The following ICE1 variants were observed in gnomAD, a reference collection of about 807,000 sequenced individuals.
The protein encoded by ICE1 is interactor of little elongation complex ELL subunit 1.
ICE1 carries 64 observed loss-of-function variants against 192.7 expected under a neutral mutation model. The ratio of observed to expected loss-of-function variants is 0.33; its 90% CI spans 0.27 to 0.41. The LOEUF (loss-of-function observed/expected upper bound fraction) is 0.41. Ranked by LOEUF, ICE1 falls within the 10% of genes least tolerant of loss-of-function variation. The pLI is 1.00. For synonymous variants in ICE1, 1,010 were observed against 984.5 expected, an observed-to-expected ratio of 1.03 and a Z score of -0.49; for missense variants, 2,708 against 2,696.0, an observed-to-expected ratio of 1.00 and a Z score of -0.10.
chr5:5,454,729 G>C, intron 11 of ICE1, 91 bp downstream of exon 11: 1 of 804,552 alleles, frequency 1.2e-6, no homozygotes, highest in South Asian at 1.7e-5. Flanking sequence ...AATAGCTCCT[G>C]ATTCTAACAT....
intron 17 of ICE1, among the ~76,000 whole-genome samples, chr5:5,479,648 T>C (rs1330815732): frequency 6.6e-6 from 1 of 152,206 alleles, no homozygotes; most frequent in East Asian, 1.9e-4. Flanking sequence ...TGCACACATA[T>C]GTTTATTGCA....
rs762441151 is a variant in ICE1 at position 5,460,710 on chromosome 5, T to C, written c.1376T>C (p.Val459Ala). 2 of 1,613,962 alleles carry C rather than the reference T, an allele frequency of 1.2e-6. No individual in the cohort carries two copies. Among genetic ancestry groups the C allele is most frequent in the South Asian group, 1.1e-5 (1 of 91,086 alleles). ...GAATCTTCTGCCACACACTCCTTAG[T>C]TGGTGAAAAACACTGGACCACAGCA... is the stretch of plus-strand genomic sequence containing the variant. ...LRESSATHSL[V>A]GEKHWTTASR... is the part of the protein sequence containing the mutation. Residue 459 changes from valine to alanine, a missense_variant, in exon 13 of 19, where the codon GTT (valine) becomes GCT (alanine). By Grantham distance (64) the Val-to-Ala change is moderately conservative. Coordinates refer to ENST00000296564, the MANE Select transcript of ICE1 (RefSeq NM_015325.3).
At chr5:5,474,359 G>A (rs1380009497) in intron 16 of ICE1, among the ~76,000 whole-genome samples, 2 of 152,178 alleles carry the variant, frequency 1.3e-5, no homozygotes, top group Non-Finnish European at 2.9e-5. Context: ...GCGGAGGGTG[G>A]CCTTGGTTGG....
chr5:5,447,837 T>C lies in ICE1; in HGVS notation c.548-4T>C, dbSNP rs1324511088. The C allele has an allele frequency of 1.3e-6, 2 of 1,577,892 alleles. No individual in the cohort carries two copies. Among genetic ancestry groups the C allele is most frequent in the East Asian group, 4.6e-5 (2 of 43,694 alleles). On this transcript the variant is annotated splice_region_variant and splice_polypyrimidine_tract_variant and intron_variant, in intron 9 of 18. Coordinates refer to ENST00000296564, the MANE Select transcript of ICE1 (RefSeq NM_015325.3). ...TATTAACCGTTTTTTCCCCATGCTTTTAGAGTTGAGACATATTGGAACACA... is the reference window on the plus strand; with the variant it reads ...TATTAACCGTTTTTTCCCCATGCTTCTAGAGTTGAGACATATTGGAACACA...
chr5:5,469,621 A>G (rs1290223446), intron 15 of ICE1, among the ~76,000 whole-genome samples: 2 of 152,166 alleles, frequency 1.3e-5, no homozygotes, highest in Non-Finnish European at 2.9e-5. Flanking sequence ...TTTAATGAGC[A>G]TGTATTTCCT....
chr5:5,463,628 G>C lies in ICE1; in HGVS notation c.4294G>C (p.Val1432Leu). The change falls in exon 13 of 19, where the codon GTC (valine) becomes CTC (leucine). Residue 1432 changes from valine to leucine, a missense_variant. Coordinates refer to ENST00000296564, the MANE Select transcript of ICE1 (RefSeq NM_015325.3). ...CTGGACAATCATCAGTGGTGTAGCT[G>C]TCTTGCCACATGTGGACCAGGTCAC... The part of the protein sequence containing the change: ...DNWTIISGVA[V>L]LPHVDQVTLC... The C allele has an allele frequency of 6.2e-7, 1 of 1,614,020 alleles. No individual in the cohort carries two copies.
chr5:5,435,531 AT>A (rs1737843122), intron 1 of ICE1, among the ~76,000 whole-genome samples: 1 of 152,210 alleles, frequency 6.6e-6, no homozygotes, highest in Non-Finnish European at 1.5e-5. Flanking sequence ...AAAAGGAGAC[AT>A]TAAAGGAAAG....
rs1435960751 is a variant in ICE1 at position 5,463,837 on chromosome 5, G to C, written c.4503G>C (p.Gln1501His). 3 of 1,613,838 alleles carry C rather than the reference G, an allele frequency of 1.9e-6. No homozygotes were observed. Among genetic ancestry groups the C allele is most frequent in the Non-Finnish European group, 2.5e-6 (3 of 1,179,882 alleles). The change falls in exon 13 of 19, where the codon CAG (glutamine) becomes CAC (histidine). Residue 1501 changes from glutamine to histidine, a missense_variant. This residue lies in a region of ICE1 where 2,366 missense variants were observed against 2,276.6 expected (regional missense o/e 1.04). Transcript: ENST00000296564. Reference sequence around the variant, plus strand: ...AAGAGGATGTTTCAAGCAGTGGTCAGAGCACCAACTTTGATAAGAGTCGTT... The same window carrying C: ...AAGAGGATGTTTCAAGCAGTGGTCACAGCACCAACTTTGATAAGAGTCGTT... ...CPQEDVSSSG[Q>H]STNFDKSRLR...
chr5:5,427,354 G>A (rs754688445), intron 1 of ICE1, among the ~76,000 whole-genome samples: 1 of 152,188 alleles, frequency 6.6e-6, no homozygotes, highest in Non-Finnish European at 1.5e-5. Context: ...ATTATGTATG[G>A]TTAAGTAAAG....
Position 5,462,583 on chromosome 5 carries a change from G to T in ICE1, c.3249G>T (p.Gln1083His). 1 of 1,613,956 alleles carries T rather than the reference G, an allele frequency of 6.2e-7. No individual in the cohort carries two copies. The highest frequency in any genetic ancestry group is 8.5e-7 in the Non-Finnish European group (1 of 1,179,878). ...SAFCRKHGETQDTSQSSLPGT... is the reference protein window; with the variant it reads ...SAFCRKHGETHDTSQSSLPGT... ...TTTGCAGAAAACATGGAGAGACACA[G>T]GATACCTCCCAAAGTAGCCTGCCTG... The change falls in exon 13 of 19, where the codon CAG becomes CAT. Residue 1083 changes from glutamine to histidine, a missense_variant. Around this residue, in one of 2 missense-constraint regions of ICE1, gnomAD observed 2,366 missense variants for 2,276.6 expected, o/e 1.04. Coordinates refer to ENST00000296564, the MANE Select transcript of ICE1 (RefSeq NM_015325.3).
At chr5:5,436,878 C>T (rs1737885286) in intron 2 of ICE1, among the ~76,000 whole-genome samples, 1 of 152,114 alleles carries the variant, frequency 6.6e-6, no homozygotes, top group Non-Finnish European at 1.5e-5. Flanking sequence ...CTACTCAGAT[C>T]TAAAGGTTTC....
intron 15 of ICE1, among the ~76,000 whole-genome samples, chr5:5,469,514 C>G (rs1238572517): frequency 6.6e-6 from 1 of 152,064 alleles, no homozygotes; most frequent in African/African-American, 2.4e-5. Flanking sequence ...TTCTTTCATT[C>G]ATTCATTTTA....
intron 3 of ICE1, among the ~76,000 whole-genome samples, chr5:5,439,130 C>G (rs1431378207): frequency 6.6e-6 from 1 of 152,050 alleles, no homozygotes; most frequent in Non-Finnish European, 1.5e-5. Context: ...TTATTATCAC[C>G]TCTTTCTAAA....
Position 5,462,081 on chromosome 5 carries a change from C to T in ICE1, c.2747C>T (p.Thr916Met), listed in dbSNP as rs377195954. The T allele has an allele frequency of 3.4e-5, 55 of 1,613,776 alleles. No homozygotes were observed. Among genetic ancestry groups the T allele is most frequent in the South Asian group, 2.9e-4 (26 of 91,086 alleles). The change falls in exon 13 of 19, where the codon ACG (threonine) becomes ATG (methionine). Residue 916 changes from threonine to methionine, a missense_variant. By Grantham distance (81) the Thr-to-Met change is moderately conservative (BLOSUM62 -1). Transcript: ENST00000296564. ...AGAGATGATACAACACAAAACATCACGGAGGTGGCTGCTGTGAAAAGCATT... is the reference window on the plus strand; with the variant it reads ...AGAGATGATACAACACAAAACATCATGGAGGTGGCTGCTGTGAAAAGCATT... ...GERDDTTQNITEVAAVKSISP... is the reference protein window; with the variant it reads ...GERDDTTQNIMEVAAVKSISP...
rs1212841413 is a variant in ICE1 at position 5,441,157 on chromosome 5, A to C, written c.243A>C (p.Lys81Asn). 1.9e-6 allele frequency: 3 copies of C among 1,565,110 alleles called. No individual in the cohort carries two copies. Among genetic ancestry groups the C allele is most frequent in the South Asian group, 2.4e-5 (2 of 84,802 alleles). ...ACCAAGTGGAAGAGATGCTTCAAAA[A>C]ATTTCTCCTCTACAGAAATGTCAGG... is the stretch of plus-strand genomic sequence containing the variant. ...LHHQVEEMLQKISPLQKCQEE... is the reference protein window; with the variant it reads ...LHHQVEEMLQNISPLQKCQEE... The change falls in exon 5 of 19, where the codon AAA (lysine) becomes AAC (asparagine). Residue 81 changes from lysine to asparagine, a missense_variant. By Grantham distance (94) the Lys-to-Asn change is moderately conservative. Coordinates refer to ENST00000296564, the MANE Select transcript of ICE1 (RefSeq NM_015325.3).
At position 5,460,532 on chromosome 5, in the gene ICE1, T is replaced by C. The variant is rs1011740259; in HGVS notation, c.1198T>C (p.Ser400Pro). 6.2e-7 allele frequency: 1 copy of C among 1,612,036 alleles called. No homozygotes were observed. The highest frequency in any genetic ancestry group is 8.5e-7 in the Non-Finnish European group (1 of 1,178,876). The change falls in exon 13 of 19, where the codon TCA (serine) becomes CCA (proline). Residue 400 changes from serine to proline, a missense_variant. Around this residue, in one of 2 missense-constraint regions of ICE1, gnomAD observed 2,366 missense variants for 2,276.6 expected, o/e 1.04. Transcript: ENST00000296564. Reference protein sequence around the residue: ...ECVSEDDTTESQNYFGSLRKN... With the variant: ...ECVSEDDTTEPQNYFGSLRKN... ...TGTTTCAGAAGATGATACAACTGAA[T>C]CACAGAATTATTTTGGCTCATTGAG...
chr5:5,455,035 TG>T (rs1170800571), intron 11 of ICE1, among the ~76,000 whole-genome samples: 3 of 152,200 alleles, frequency 2.0e-5, no homozygotes, highest in Non-Finnish European at 4.4e-5. Flanking sequence ...CAGAGTATCA[TG>T]GGGGCATTCT....
At chr5:5,452,293 G>A (rs990414992) in intron 10 of ICE1, among the ~76,000 whole-genome samples, 5 of 150,378 alleles carry the variant, frequency 3.3e-5, no homozygotes, top group African/African-American at 9.8e-5. Flanking sequence ...TACTACTAAT[G>A]TAGAGAATTT....
In ICE1 at chr5:5,461,829, C is replaced by T; in HGVS notation, c.2495C>T (p.Thr832Ile). 2.5e-6 allele frequency: 4 copies of T among 1,613,998 alleles called. No individual in the cohort carries two copies. The highest frequency in any genetic ancestry group is 2.2e-5 in the East Asian group (1 of 44,886). ...AMPFLQNRGP[T>I]PKPDLLRENN... ...CCATTCCTACAAAATAGAGGACCAA[C>T]ACCCAAGCCTGATCTTCTTAGAGAA... The change falls in exon 13 of 19, where the codon ACA (threonine) becomes ATA (isoleucine). Residue 832 changes from threonine to isoleucine, a missense_variant. By Grantham distance (89) the Thr-to-Ile change is moderately conservative. Coordinates refer to ENST00000296564, the MANE Select transcript of ICE1 (RefSeq NM_015325.3).
Sources: gnomAD v4.1 joint callset for allele counts (sites outside exome capture counted in the v4.1 genomes callset) on GRCh38, gnomAD v4.1.1 for gene constraint, gnomAD v4.1.1 regional missense constraint, MANE v1.5 for transcripts, NCBI Gene and HGNC (gene_info 2026-07-23, HGNC 2026-07-21) for gene names.